Variants in TNFRSF19 observed in about 807,000 individuals in gnomAD.
TNFRSF19 encodes TNF receptor superfamily member 19, also known as tumor necrosis factor receptor superfamily member 19.
TNFRSF19 carries 27 observed loss-of-function variants against 46.4 expected under a neutral mutation model. The observed-to-expected ratio is 0.58, with a 90% CI of 0.43 to 0.80. The LOEUF is 0.80. TNFRSF19 is among the 30% of genes least tolerant of loss of function. The pLI is 0.00. For synonymous variants in TNFRSF19, 204 were observed against 205.0 expected, an observed-to-expected ratio of 1.00 and a Z score of 0.04; for missense variants, 511 against 530.8, an observed-to-expected ratio of 0.96 and a Z score of 0.37.
In TNFRSF19 at chr13:23,593,473, C is replaced by A; in HGVS notation, c.180+18C>A. 1 of 1,514,212 alleles carries A rather than the reference C, an allele frequency of 6.6e-7. No individual in the cohort carries two copies. Among genetic ancestry groups the A allele is most frequent in the Non-Finnish European group, 9.1e-7 (1 of 1,104,592 alleles). The allele number at this position is 1,514,212 out of a possible 1,614,324, so 93.8% of individuals were successfully genotyped here. On this transcript the variant is annotated intron_variant, in intron 3 of 9. Coordinates refer to ENST00000248484, the MANE Select transcript of TNFRSF19 (RefSeq NM_148957.4). ...TGTCTAAGGTATATTGGATACATGG[C>A]AAAGTTGTGTATCTGTGTTTGTAAA...
At chr13:23,661,456 G>A (rs1884362972) in intron 7 of TNFRSF19, among the ~76,000 whole-genome samples, 1 of 152,180 alleles carries the variant, frequency 6.6e-6, no homozygotes, top group South Asian at 2.1e-4. Flanking sequence ...TAGGCATTTA[G>A]GTTGATTCCA....
At position 23,643,262 on chromosome 13, in the gene TNFRSF19, C is replaced by T. The variant is rs185962163; in HGVS notation, c.446-15788C>T. Among the ~76,000 whole-genome samples the T allele has an allele frequency of 1.8e-3, 268 of 152,318 alleles. 1 individual carries two copies. Among genetic ancestry groups the T allele is most frequent in the Admixed American group, 2.7e-3 (42 of 15,300 alleles). On this transcript the variant is annotated intron_variant, in intron 5 of 9. Coordinates refer to ENST00000248484, the MANE Select transcript of TNFRSF19 (RefSeq NM_148957.4). The stretch of plus-strand genomic sequence containing the variant: ...AAAGAAGTTTCTGCTTTTCTAATAG[C>T]ATACCTCTTCTGTTTTATAAATTCA...
chr13:23,594,225 A>T (rs1369459071), intron 3 of TNFRSF19: 2 of 451,248 alleles, frequency 4.4e-6, no homozygotes, highest in Non-Finnish European at 8.9e-6. Flanking sequence ...TTCATACCCT[A>T]GTGGCATCTG....
At chr13:23,669,718 G>A (rs765501014) in intron 9 of TNFRSF19, 82 of 985,130 alleles carry the variant, frequency 8.3e-5, no homozygotes, top group Non-Finnish European at 9.8e-5. Context: ...AGAGAGATGG[G>A]GGCTTTCTGC....
intron 5 of TNFRSF19, among the ~76,000 whole-genome samples, chr13:23,638,204 G>GTTAT (rs1882815421): frequency 3.4e-5 from 3 of 87,066 alleles, no homozygotes; most frequent in South Asian, 2.9e-4. Context: ...ACATCCTTGC[G>GTTAT]GGTAGGGAAG....
intron 3 of TNFRSF19, among the ~76,000 whole-genome samples, chr13:23,599,288 C>T (rs1411990349): frequency 6.6e-6 from 1 of 152,072 alleles, no homozygotes; most frequent in Non-Finnish European, 1.5e-5. Flanking sequence ...TTAAAAATGC[C>T]ATCATGCCCA....
chr13:23,625,160 G>A (rs551098979), intron 4 of TNFRSF19, among the ~76,000 whole-genome samples: 20 of 152,218 alleles, frequency 1.3e-4, no homozygotes, highest in African/African-American at 4.8e-4. Flanking sequence ...TTCACTTAAT[G>A]ATATTTCATG....
At chr13:23,654,256 G>T (rs1883834405) in intron 5 of TNFRSF19, among the ~76,000 whole-genome samples, 1 of 152,220 alleles carries the variant, frequency 6.6e-6, no homozygotes, top group Non-Finnish European at 1.5e-5. Context: ...AGAAGGCAGA[G>T]GAGGGAGCCT....
intron 1 of TNFRSF19, among the ~76,000 whole-genome samples, chr13:23,582,116 C>T (rs1286893660): frequency 6.6e-6 from 1 of 151,582 alleles, no homozygotes; most frequent in East Asian, 1.9e-4. Flanking sequence ...CACGGTGGCT[C>T]ACGCCTGTAA....
In TNFRSF19 at chr13:23,616,546, T is replaced by G. The variant is rs1217321729; in HGVS notation, c.359+501T>G. On this transcript the variant is annotated intron_variant, in intron 4 of 9. Coordinates refer to ENST00000248484, the MANE Select transcript of TNFRSF19 (RefSeq NM_148957.4). ...GCAAAGATCCCTGCCCATGGGGAGC[T>G]TATTTCTTATAGGTTTTGTTTGTTT... is the stretch of plus-strand genomic sequence containing the variant. Among the ~76,000 whole-genome samples, 4 of 150,658 alleles carry G rather than the reference T, an allele frequency of 2.7e-5. No homozygotes were observed. The East Asian group carries it at 7.8e-4, about 29-fold the overall frequency.
chr13:23,625,549 C>T (rs1593266569), intron 4 of TNFRSF19, among the ~76,000 whole-genome samples: 1 of 151,676 alleles, frequency 6.6e-6, no homozygotes, highest in Non-Finnish European at 1.5e-5. Context: ...AGGATGGTCT[C>T]GATCTCCTGA....
intron 3 of TNFRSF19, among the ~76,000 whole-genome samples, chr13:23,599,770 A>G (rs1007853667): frequency 1.6e-4 from 25 of 152,150 alleles, no homozygotes; most frequent in African/African-American, 5.8e-4. Flanking sequence ...TATCAGACTG[A>G]AAGAGTCTGT....
At chr13:23,669,325 C>G in intron 9 of TNFRSF19, 7 of 1,361,314 alleles carry the variant, frequency 5.1e-6, no homozygotes, top group Non-Finnish European at 6.6e-6. Context: ...TTTTATTCCT[C>G]TTTGTAAGTA....
intron 2 of TNFRSF19, among the ~76,000 whole-genome samples, chr13:23,591,200 C>T (rs886069685): frequency 1.3e-5 from 2 of 152,134 alleles, no homozygotes; most frequent in African/African-American, 4.8e-5. Context: ...TGCTTGTAAT[C>T]CCAGCACTTT....
At chr13:23,666,626 G>A (rs181915907) in intron 7 of TNFRSF19, among the ~76,000 whole-genome samples, 10 of 152,254 alleles carry the variant, frequency 6.6e-5, no homozygotes, top group Admixed American at 1.3e-4. Context: ...CAGGTTTATC[G>A]TGTACTTTCC....
At chr13:23,594,310 G>A (rs1024909050) in intron 3 of TNFRSF19, 2 of 451,614 alleles carry the variant, frequency 4.4e-6, no homozygotes, top group Admixed American at 2.4e-5. Context: ...GTCTAGCTCA[G>A]CAGATCCAAC....
intron 1 of TNFRSF19, among the ~76,000 whole-genome samples, chr13:23,581,398 G>A (rs1878422644): frequency 6.6e-6 from 1 of 151,638 alleles, no homozygotes; most frequent in South Asian, 2.1e-4. Flanking sequence ...CGCCTGCCTC[G>A]ACCTCCCAAA....
At chr13:23,648,874 G>T (rs1883476465) in intron 5 of TNFRSF19, among the ~76,000 whole-genome samples, 1 of 152,076 alleles carries the variant, frequency 6.6e-6, no homozygotes, top group Admixed American at 6.6e-5. Context: ...ATTGCTTATT[G>T]TATTGATTGA....
chr13:23,631,164 T>G (rs1882339244), intron 5 of TNFRSF19, among the ~76,000 whole-genome samples: 1 of 152,204 alleles, frequency 6.6e-6, no homozygotes, highest in Non-Finnish European at 1.5e-5. Flanking sequence ...AATTTCAAAA[T>G]AAACTTTGAG....
Sources: gnomAD v4.1 joint callset for allele counts (sites outside exome capture counted in the v4.1 genomes callset) on GRCh38, gnomAD v4.1.1 for gene constraint, MANE v1.5 for transcripts, NCBI Gene and HGNC (gene_info 2026-07-23, HGNC 2026-07-21) for gene names.